CLINT1: variants seen among roughly 807,000 people sequenced by gnomAD.
CLINT1 encodes the protein clathrin interacting protein localized in the trans-Golgi region.
Under a neutral mutation model 70.4 loss-of-function variants are expected in CLINT1, and 15 were observed. The ratio of observed to expected loss-of-function variants is 0.21; its 90% CI spans 0.14 to 0.33. The LOEUF is 0.33. CLINT1 is among the 10% of genes least tolerant of loss of function. The probability of loss-of-function intolerance (pLI) is 1.00; values close to 1 mark genes in which losing one functional copy is unlikely to be tolerated. For missense variants in CLINT1, 615 were observed against 778.1 expected (o/e 0.79, Z 2.49); for synonymous variants, 227 against 254.7 (o/e 0.89, Z 1.04).
At chr5:157,837,003 G>C (rs1296726261) in intron 1 of CLINT1, among the ~76,000 whole-genome samples, 1 of 152,144 alleles carries the variant, frequency 6.6e-6, no homozygotes, top group Non-Finnish European at 1.5e-5. Context: ...TAAAAAGCCA[G>C]GTTATCCTGT....
chr5:157,823,672 G>C lies in CLINT1; in HGVS notation c.42-6125C>G, dbSNP rs1275931912. 8.0e-6 allele frequency: 4 copies of C among 499,710 alleles called. No homozygotes were observed. In the East Asian group the frequency reaches 6.0e-4, roughly 75 times the overall value. The allele number at this position is 499,710 out of a possible 1,614,324, so 31.0% of individuals were successfully genotyped here. On this transcript the variant is annotated intron_variant, in intron 1 of 11. Transcript: ENST00000411809. ...TCAATGCCACAAAGGTTTCAGAAAA[G>C]ATACTTTTATAAATTAAATGCTCTT...
At chr5:157,819,745 T>C (rs750294699) in intron 1 of CLINT1, among the ~76,000 whole-genome samples, 1 of 152,238 alleles carries the variant, frequency 6.6e-6, no homozygotes, top group Non-Finnish European at 1.5e-5. Flanking sequence ...AAGAATGCAC[T>C]TGAAATCTCT....
intron 7 of CLINT1, among the ~76,000 whole-genome samples, chr5:157,804,659 T>A (rs1762333893): frequency 6.6e-6 from 1 of 152,116 alleles, no homozygotes; most frequent in Non-Finnish European, 1.5e-5. Flanking sequence ...GCGCGGTGGC[T>A]CAAGCCTGTA....
intron 3 of CLINT1, among the ~76,000 whole-genome samples, chr5:157,814,992 C>T (rs1037157548): frequency 2.0e-5 from 3 of 148,880 alleles, no homozygotes; most frequent in Admixed American, 1.3e-4. Flanking sequence ...GAGCCCGCAC[C>T]ACTGCACTCC....
intron 1 of CLINT1, among the ~76,000 whole-genome samples, chr5:157,840,630 G>A (rs909783100): frequency 6.6e-6 from 1 of 151,370 alleles, no homozygotes; most frequent in Non-Finnish European, 1.5e-5. Flanking sequence ...GGGGGAGGGC[G>A]AATGACAAGC....
chr5:157,843,814 T>C (rs1316828902), intron 1 of CLINT1, among the ~76,000 whole-genome samples: 2 of 152,298 alleles, frequency 1.3e-5, no homozygotes, highest in Middle Eastern at 3.4e-3. Context: ...AAAATGACAA[T>C]ATGAGACATC....
Position 157,786,769 on chromosome 5 carries a change from A to C in CLINT1, c.*877T>G, listed in dbSNP as rs1320951409. ...GGATTTTTACCTTTGCAGACACCCA[A>C]AAAAAAAATAAAATAAATATTTTTC... On this transcript the variant is annotated 3_prime_UTR_variant, in exon 12 of 12. Coordinates refer to ENST00000411809, the MANE Select transcript of CLINT1 (RefSeq NM_014666.4). 6.6e-6 allele frequency: 1 copy of C among 151,196 alleles called. No individual in the cohort carries two copies. 9.4% of individuals were successfully genotyped at this position (151,196 alleles called of 1,614,324 possible).
At position 157,843,575 on chromosome 5, in the gene CLINT1, G is replaced by A. The variant is rs144958150; in HGVS notation, c.41+15355C>T. ...AAGTAGAGGAAGTATCTTGACTCAC[G>A]TCCCTCCTATACTTACCCTTCTCAC... On this transcript the variant is annotated intron_variant, in intron 1 of 11. Coordinates refer to ENST00000411809, the MANE Select transcript of CLINT1 (RefSeq NM_014666.4). Among the ~76,000 whole-genome samples the A allele has an allele frequency of 2.6e-3, 397 of 152,216 alleles. 1 individual carries two copies. Among genetic ancestry groups the A allele is most frequent in the African/African-American group, 8.9e-3 (370 of 41,544 alleles).
At chr5:157,855,082 T>G (rs1311225026) in intron 1 of CLINT1, among the ~76,000 whole-genome samples, 1 of 138,214 alleles carries the variant, frequency 7.2e-6, no homozygotes, top group Non-Finnish European at 1.5e-5. Context: ...AGGTAGAGAT[T>G]GCAGTGGGCT....
At position 157,792,364 on chromosome 5, in the gene CLINT1, G is replaced by A. The variant is rs1020269742; in HGVS notation, c.1088-369C>T. On this transcript the variant is annotated intron_variant, in intron 9 of 11. Coordinates refer to ENST00000411809, the MANE Select transcript of CLINT1 (RefSeq NM_014666.4). ...AGATTGAGACCATCCTGTCTAGCAC[G>A]GTGAAACCTCATCTCTACTAAAAAT... Among the ~76,000 whole-genome samples, 5 of 152,060 alleles carry A rather than the reference G, an allele frequency of 3.3e-5. No individual in the cohort carries two copies. The South Asian group carries it at 6.2e-4, about 19-fold the overall frequency.
chr5:157,853,260 AC>A (rs1294102789), intron 1 of CLINT1, among the ~76,000 whole-genome samples: 1 of 151,806 alleles, frequency 6.6e-6, no homozygotes, highest in East Asian at 2.0e-4. Context: ...ACTCGCTGGA[AC>A]CTGGGAGGCA....
chr5:157,806,185 C>T, intron 6 of CLINT1, 73 bp from the exon 7 acceptor site: 1 of 1,476,354 alleles, frequency 6.8e-7, no homozygotes, highest in Non-Finnish European at 9.1e-7. Flanking sequence ...GTGATTTGAG[C>T]TAAAGAATTT....
At chr5:157,793,552 C>T (rs529136867) in intron 9 of CLINT1, among the ~76,000 whole-genome samples, 1 of 152,212 alleles carries the variant, frequency 6.6e-6, no homozygotes, top group African/African-American at 2.4e-5. Flanking sequence ...ATCACTTAGG[C>T]AACATTAACA....
At position 157,830,782 on chromosome 5, in the gene CLINT1, CTCTCTCTCTCTCTCTA is replaced by C. The variant is rs1376290399; in HGVS notation, c.42-13251_42-13236del. 1.2e-3 allele frequency among the ~76,000 whole-genome samples: 163 copies of C among 133,198 alleles called. 3 individuals carry two copies. In the East Asian group the frequency reaches 0.032, roughly 27 times the overall value. The allele number at this position is 133,198 out of a possible 152,430, so 87.4% of individuals were successfully genotyped here. A position where few individuals can be genotyped will look rare whatever the true frequency, so the allele number is the denominator to read the frequency against. On this transcript the variant is annotated intron_variant, in intron 1 of 11. Coordinates refer to ENST00000411809, the MANE Select transcript of CLINT1 (RefSeq NM_014666.4). ...CCTCTCTCTCTCTCTCTCTCTCTCT[CTCTCTCTCTCTCTCTA>C]TATATATATATATATATAGAAACAC...
chr5:157,829,262 A>C lies in CLINT1; in HGVS notation c.42-11715T>G, dbSNP rs141794536. ...AGGAAAGACTGGGAATGACAGCCCC[A>C]ACTCAAACTATTTCTATTTCCAGCT... On this transcript the variant is annotated intron_variant, in intron 1 of 11. Coordinates refer to ENST00000411809, the MANE Select transcript of CLINT1 (RefSeq NM_014666.4). Among the ~76,000 whole-genome samples, 579 of 152,326 alleles carry C rather than the reference A, an allele frequency of 3.8e-3. 3 individuals are homozygous for C. Among genetic ancestry groups the C allele is most frequent in the South Asian group, 0.019 (92 of 4,824 alleles).
intron 8 of CLINT1, 158 bp from the exon 9 acceptor site, chr5:157,795,130 C>T (rs1762028701): frequency 3.2e-6 from 2 of 626,782 alleles, no homozygotes; most frequent in African/African-American, 1.8e-5. Flanking sequence ...TTTCATGTCA[C>T]TATGTTCCCT....
chr5:157,801,990 G>A (rs1762238553), intron 8 of CLINT1, among the ~76,000 whole-genome samples: 1 of 151,908 alleles, frequency 6.6e-6, no homozygotes, highest in Non-Finnish European at 1.5e-5. Flanking sequence ...CACCTCCTGG[G>A]TTCAAGCGAT....
intron 1 of CLINT1, among the ~76,000 whole-genome samples, chr5:157,838,563 T>C (rs577305729): frequency 6.6e-6 from 1 of 152,364 alleles, no homozygotes; most frequent in East Asian, 1.9e-4. Context: ...CAAACGTGGA[T>C]AGTTTACACT....
chr5:157,792,738 T>C (rs541128949), intron 9 of CLINT1, among the ~76,000 whole-genome samples: 2 of 152,322 alleles, frequency 1.3e-5, no homozygotes, highest in East Asian at 1.9e-4. Context: ...TTTGCAAGTT[T>C]AAGGTTGAAT....
Sources: allele counts gnomAD v4.1 joint callset (sites outside exome capture counted in the v4.1 genomes callset), GRCh38; gene constraint gnomAD v4.1.1; transcripts MANE v1.5; gene names NCBI Gene and HGNC (gene_info 2026-07-23, HGNC 2026-07-21).